Variants in HDGFL3 observed in about 807,000 individuals in gnomAD.
HDGFL3 encodes hepatoma-derived growth factor-related protein 3.
Under a neutral mutation model 27.6 loss-of-function variants are expected in HDGFL3, and 6 were observed. The observed-to-expected ratio is 0.22, with a 90% CI of 0.12 to 0.43. HDGFL3 has a LOEUF of 0.43. HDGFL3 is among the 20% of genes least tolerant of loss of function. HDGFL3 has a pLI of 1.00. For missense variants in HDGFL3, 207 were observed against 250.1 expected (o/e 0.83, Z 1.16); for synonymous variants, 88 against 88.9 (o/e 0.99, Z 0.05).
chr15:83,162,707 ACT>A lies in HDGFL3; in HGVS notation c.161+1290_161+1291del. Among the ~76,000 whole-genome samples, 5 of 152,258 alleles carry A rather than the reference ACT, an allele frequency of 3.3e-5. 1 individual carries two copies. The highest frequency in any genetic ancestry group is 1.2e-4 in the African/African-American group (5 of 41,538). ...AGTCTGTCTTGAGAGGCTTCTCCTA[ACT>A]CTCTTTCAAGACAAGAATGAGGAAG... On this transcript the variant is annotated intron_variant, in intron 2 of 5. Transcript: ENST00000299633.
intron 1 of HDGFL3, among the ~76,000 whole-genome samples, chr15:83,187,158 CT>C (rs201809112): frequency 0.018 from 2,357 of 130,624 alleles, 50 homozygotes; most frequent in East Asian, 0.14. Flanking sequence ...CTTGGAAATT[CT>C]TTTTTTTTTT....
chr15:83,145,133 T>A (rs560330675), intron 5 of HDGFL3, among the ~76,000 whole-genome samples: 25 of 152,248 alleles, frequency 1.6e-4, no homozygotes, highest in African/African-American at 5.5e-4. Context: ...CAACCCATCA[T>A]CTGCTTTGAG....
At chr15:83,147,452 C>T (rs2036912566) in intron 5 of HDGFL3, among the ~76,000 whole-genome samples, 1 of 152,030 alleles carries the variant, frequency 6.6e-6, no homozygotes. Context: ...TTCTTACTAG[C>T]ATATGTAAAT....
At chr15:83,141,972 A>G (rs928030816) in intron 5 of HDGFL3, among the ~76,000 whole-genome samples, 1 of 152,216 alleles carries the variant, frequency 6.6e-6, no homozygotes, top group Non-Finnish European at 1.5e-5. Context: ...CTGCAGTGAC[A>G]TACCATTTCA....
At chr15:83,162,460 C>CAA (rs968913419) in intron 2 of HDGFL3, among the ~76,000 whole-genome samples, 3 of 151,872 alleles carry the variant, frequency 2.0e-5, no homozygotes, top group African/African-American at 4.8e-5. Context: ...ACCAATGGTA[C>CAA]AAAAATAAAA....
chr15:83,165,794 C>CAAA (rs57873221), intron 1 of HDGFL3, among the ~76,000 whole-genome samples: 327 of 13,832 alleles, frequency 0.024, 24 homozygotes, highest in African/African-American at 0.054. Context: ...GAATCCATCT[C>CAAA]AAAAAAAAAA....
At chr15:83,126,892 T>C, downstream of HDGFL3, 1 of 1,527,162 alleles carries the variant, frequency 6.5e-7, no homozygotes, top group Non-Finnish European at 9.0e-7. Context: ...ATTAATTTTC[T>C]TTTTAAAAAA....
In HDGFL3 at chr15:83,207,525, G is replaced by C; in HGVS notation, c.-111C>G. 3 of 856,202 alleles carry C rather than the reference G, an allele frequency of 3.5e-6. No individual in the cohort carries two copies. In the South Asian group the frequency reaches 1.7e-4, roughly 48 times the overall value. 53.0% of individuals were successfully genotyped at this position (856,202 alleles called of 1,614,324 possible). On this transcript the variant is annotated 5_prime_UTR_variant, in exon 1 of 6. Coordinates refer to ENST00000299633, the MANE Select transcript of HDGFL3 (RefSeq NM_016073.4). This position sits in a 1 kb window ranked among gnomAD's most constrained non-coding sequence, Gnocchi z 4.8. ...GCTCCCCGCGGGCCTCAAGCCGGGC[G>C]GACGAGCGGCCGCTCCGACGAGGGG...
chr15:83,142,102 A>G (rs183609206), intron 5 of HDGFL3, among the ~76,000 whole-genome samples: 2 of 152,326 alleles, frequency 1.3e-5, no homozygotes, highest in Admixed American at 1.3e-4. Flanking sequence ...CATTGTGGAA[A>G]TCAGTAGGGC....
At chr15:83,193,885 TGGG>T (rs958002509) in intron 1 of HDGFL3, among the ~76,000 whole-genome samples, 3 of 152,216 alleles carry the variant, frequency 2.0e-5, no homozygotes, top group Non-Finnish European at 4.4e-5. Context: ...GCACTCTGCA[TGGG>T]GCAGTACCTG....
Position 83,207,394 on chromosome 15 carries a change from G to C in HDGFL3, c.21C>G (p.Arg7=), listed in dbSNP as rs762608018. 1.6e-5 allele frequency: 22 copies of C among 1,358,114 alleles called. No individual in the cohort carries two copies. Among genetic ancestry groups the C allele is most frequent in the Admixed American group, 6.1e-5 (2 of 32,734 alleles). 84.1% of individuals were successfully genotyped at this position (1,358,114 alleles called of 1,614,324 possible). A position where few individuals can be genotyped will look rare whatever the true frequency, so the allele number is the denominator to read the frequency against. The change falls in exon 1 of 6, where the codon CGC becomes CGG. Residue 7 remains arginine, a synonymous_variant. Coordinates refer to ENST00000299633, the MANE Select transcript of HDGFL3 (RefSeq NM_016073.4). The surrounding 1 kb of genome is among the most constrained non-coding windows in gnomAD (Gnocchi z 4.8). ...AGACCAGGTCGCCCGCTTTGTACTCGCGGGGCCGCGGACGCGCCATCCCAG... is the reference window on the plus strand; with the variant it reads ...AGACCAGGTCGCCCGCTTTGTACTCCCGGGGCCGCGGACGCGCCATCCCAG... MARPRP[R]EYKAGDLVFA... is the part of the protein sequence containing the mutation.
rs1251577240 is a variant in HDGFL3, at chr15:83,207,337, C to T, written c.78G>A (p.Pro26=). The T allele has an allele frequency of 2.1e-6, 3 of 1,396,024 alleles. No individual in the cohort carries two copies. Among genetic ancestry groups the T allele is most frequent in the Non-Finnish European group, 1.9e-6 (2 of 1,070,772 alleles). 86.5% of individuals were successfully genotyped at this position (1,396,024 alleles called of 1,614,324 possible). A position where few individuals can be genotyped will look rare whatever the true frequency, so the allele number is the denominator to read the frequency against. The stretch of plus-strand genomic sequence containing the variant: ...GCGCGGCCGCGGTACTCACCCGGGC[C>T]GGCCAGTGCGGGTAGCCCTTCATCT... The part of the protein sequence containing the change: ...FAKMKGYPHW[P]ARIDELPEGA... The change falls in exon 1 of 6, where the codon CCG becomes CCA. Residue 26 remains proline (P), a synonymous_variant. Coordinates refer to ENST00000299633, the MANE Select transcript of HDGFL3 (RefSeq NM_016073.4). This position sits in a 1 kb window ranked among gnomAD's most constrained non-coding sequence, Gnocchi z 4.8.
At chr15:83,199,079 A>AT in intron 1 of HDGFL3, among the ~76,000 whole-genome samples, 1 of 152,300 alleles carries the variant, frequency 6.6e-6, no homozygotes, top group Middle Eastern at 3.4e-3. Context: ...AAGTCTAAAT[A>AT]TTTTTTTCAA....
intron 4 of HDGFL3, among the ~76,000 whole-genome samples, chr15:83,154,344 G>GA (rs544397303): frequency 0.31 from 35,310 of 113,238 alleles, 4,608 homozygotes; most frequent in African/African-American, 0.39. Context: ...TCAAGACAAA[G>GA]AAAAAAAAAA....
chr15:83,194,853 C>G (rs2037550841), intron 1 of HDGFL3, among the ~76,000 whole-genome samples: 1 of 152,114 alleles, frequency 6.6e-6, no homozygotes, highest in African/African-American at 2.4e-5. Context: ...CCTTCGAAAA[C>G]AACACTGAAA....
At chr15:83,194,154 G>A (rs2037543690) in intron 1 of HDGFL3, among the ~76,000 whole-genome samples, 1 of 151,806 alleles carries the variant, frequency 6.6e-6, no homozygotes, top group African/African-American at 2.4e-5. Flanking sequence ...ATAACCAAAA[G>A]GTGAAAAAAA....
intron 1 of HDGFL3, among the ~76,000 whole-genome samples, chr15:83,196,391 C>T (rs2037572119): frequency 6.6e-6 from 1 of 151,874 alleles, no homozygotes; most frequent in Non-Finnish European, 1.5e-5. Flanking sequence ...AATCTGACTA[C>T]AAGATAACCA....
In HDGFL3 at chr15:83,145,662, G is replaced by A. The variant is rs149261070; in HGVS notation, c.606+5553C>T. ...CCCCTCCTTCCTGCAATCATCTACAGACTCCCTGGATTATTCTCCTTACTC... is the reference window on the plus strand; with the variant it reads ...CCCCTCCTTCCTGCAATCATCTACAAACTCCCTGGATTATTCTCCTTACTC... On this transcript the variant is annotated intron_variant, in intron 5 of 5. Transcript: ENST00000299633. 3.6e-3 allele frequency among the ~76,000 whole-genome samples: 550 copies of A among 152,104 alleles called. 4 individuals carry two copies. The highest frequency in any genetic ancestry group is 0.012 in the African/African-American group (510 of 41,472).
At position 83,137,020 on chromosome 15, in the gene HDGFL3, G is replaced by A. The variant is rs1020852068; in HGVS notation, c.*2250C>T. The A allele has an allele frequency of 6.2e-6, 1 of 162,292 alleles. No homozygotes were observed. Among genetic ancestry groups the A allele is most frequent in the Non-Finnish European group, 1.3e-5 (1 of 74,516 alleles). The allele number at this position is 162,292 out of a possible 1,614,324, so 10.1% of individuals were successfully genotyped here. ...AATGAAACTATTCAAAAGAGAATAT[G>A]GCCTGTGCATATTAAAAAATTCAAA... On this transcript the variant is annotated 3_prime_UTR_variant, in exon 6 of 6. Transcript: ENST00000299633.
Sources: allele counts gnomAD v4.1 joint callset (sites outside exome capture counted in the v4.1 genomes callset), GRCh38; gene constraint gnomAD v4.1.1; non-coding constraint Gnocchi (gnomAD v3.1); transcripts MANE v1.5; gene names NCBI Gene and HGNC (gene_info 2026-07-23, HGNC 2026-07-21).